The following GAB2 variants were observed in gnomAD, a reference collection of about 807,000 sequenced individuals.
GAB2 encodes the protein GRB2 associated binding protein 2.
GAB2 carries 26 observed loss-of-function variants against 65.5 expected under a neutral mutation model. The observed-to-expected ratio is 0.40, with a 90% CI of 0.29 to 0.55. The LOEUF (loss-of-function observed/expected upper bound fraction) is 0.55, where lower values mean the gene tolerates loss of function less well. Ranked by LOEUF, GAB2 falls within the 20% of genes least tolerant of loss-of-function variation. The pLI is 0.53. For synonymous variants in GAB2, 321 were observed against 329.6 expected, an observed-to-expected ratio of 0.97 and a Z score of 0.28; for missense variants, 884 against 875.8, an observed-to-expected ratio of 1.01 and a Z score of -0.12.
chr11:78,248,507 A>G (rs1865357643), intron 3 of GAB2, among the ~76,000 whole-genome samples: 1 of 152,256 alleles, frequency 6.6e-6, no homozygotes, highest in African/African-American at 2.4e-5. Flanking sequence ...AAAGTCTGCA[A>G]GGCACTACAG....
At chr11:78,329,933 C>T (rs1855886963) in intron 1 of GAB2, among the ~76,000 whole-genome samples, 1 of 152,226 alleles carries the variant, frequency 6.6e-6, no homozygotes, top group South Asian at 2.1e-4. Flanking sequence ...CAATTACTTG[C>T]ATTCATATAA....
At position 78,399,814 on chromosome 11, in the gene GAB2, CAT is replaced by C. The variant is rs1168703425; in HGVS notation, c.75+17830_75+17831del. Among the ~76,000 whole-genome samples, 11 of 152,258 alleles carry C rather than the reference CAT, an allele frequency of 7.2e-5. No individual in the cohort carries two copies. In the East Asian group the frequency reaches 1.9e-3, roughly 27 times the overall value. Reference sequence around the variant, plus strand: ...AGACACTGTGCTAAGATTTTTTTCACATGTTATTCTGATAAATGTGCAAACCC... The same window carrying C: ...AGACACTGTGCTAAGATTTTTTTCACGTTATTCTGATAAATGTGCAAACCC... On this transcript the variant is annotated intron_variant, in intron 1 of 9. Transcript: ENST00000361507.
At chr11:78,289,908 A>G (rs1388686631) in intron 1 of GAB2, among the ~76,000 whole-genome samples, 4 of 149,618 alleles carry the variant, frequency 2.7e-5, no homozygotes, top group African/African-American at 9.9e-5. Context: ...AGGTTCAGAG[A>G]ATATGGCACA....
In GAB2 at chr11:78,350,085, G is replaced by GA. The variant is rs1481087421; in HGVS notation, c.75+67560dup. Among the ~76,000 whole-genome samples, 120 of 151,928 alleles carry GA rather than the reference G, an allele frequency of 7.9e-4. 1 individual carries two copies. Among genetic ancestry groups the GA allele is most frequent in the African/African-American group, 2.7e-3 (112 of 41,422 alleles). ...TGTCTATATTTTCATTCATCACATT[G>GA]AAAAAAAAGTTAGGCAAATGGGTCA... is the stretch of plus-strand genomic sequence containing the variant. On this transcript the variant is annotated intron_variant, in intron 1 of 9. Coordinates refer to ENST00000361507, the MANE Select transcript of GAB2 (RefSeq NM_080491.3).
intron 1 of GAB2, among the ~76,000 whole-genome samples, chr11:78,293,758 G>A (rs931336768): frequency 4.6e-5 from 7 of 152,172 alleles, no homozygotes; most frequent in African/African-American, 1.7e-4. Flanking sequence ...ACAAAGGGTT[G>A]TCACAATATT....
intron 2 of GAB2, among the ~76,000 whole-genome samples, chr11:78,269,965 GA>G (rs1865969533): frequency 6.6e-6 from 1 of 152,192 alleles, no homozygotes; most frequent in African/African-American, 2.4e-5. Context: ...GGGCTCTGGT[GA>G]GCTAAATTGC....
rs180887520 is a variant in GAB2 at position 78,378,517 on chromosome 11, A to T, written c.75+39129T>A. On this transcript the variant is annotated intron_variant, in intron 1 of 9. Coordinates refer to ENST00000361507, the MANE Select transcript of GAB2 (RefSeq NM_080491.3). ...CAAGGTGCTTTACAGTCAAGATCCC[A>T]TTCAATTCTCATAGCAACCCTGATG... 9.3e-4 allele frequency among the ~76,000 whole-genome samples: 138 copies of T among 149,060 alleles called. 2 individuals carry two copies. The East Asian group carries it at 0.015, about 16-fold the overall frequency.
chr11:78,307,495 C>G (rs1417997987), intron 1 of GAB2, among the ~76,000 whole-genome samples: 3 of 151,908 alleles, frequency 2.0e-5, no homozygotes, highest in Non-Finnish European at 4.4e-5. Context: ...TGATGGCTCA[C>G]ACCTGTAATC....
chr11:78,332,093 G>A (rs1408867567), intron 1 of GAB2, among the ~76,000 whole-genome samples: 2 of 152,132 alleles, frequency 1.3e-5, no homozygotes, highest in East Asian at 3.8e-4. Flanking sequence ...CTGTGGCGGG[G>A]AACAGAACAA....
intron 1 of GAB2, among the ~76,000 whole-genome samples, chr11:78,334,968 T>A (rs1855974571): frequency 6.6e-6 from 1 of 152,250 alleles, no homozygotes; most frequent in Non-Finnish European, 1.5e-5. Flanking sequence ...CCCATTGTAG[T>A]TTTGATTATG....
At chr11:78,268,735 T>TA (rs530276951) in intron 2 of GAB2, among the ~76,000 whole-genome samples, 4,366 of 127,708 alleles carry the variant, frequency 0.034, 112 homozygotes, top group African/African-American at 0.075. Context: ...GTCTGGTATT[T>TA]AAAAAAAAAA....
chr11:78,289,814 CTTTTTT>C (rs56926225), intron 1 of GAB2, among the ~76,000 whole-genome samples: 94 of 83,662 alleles, frequency 1.1e-3, no homozygotes, highest in South Asian at 5.4e-3. Flanking sequence ...AGAACAGGAC[CTTTTTT>C]TTTTTTTTTT....
intron 1 of GAB2, among the ~76,000 whole-genome samples, chr11:78,370,725 A>ATGTGTGTGTGTGTGTGTGTGTGTGTGTG (rs113823389): frequency 3.0e-4 from 44 of 148,782 alleles, no homozygotes; most frequent in Non-Finnish European, 7.5e-5. Context: ...GTGTGTGTGT[A>ATGTGTGTGTGTGTGTGTGTGTGTGTGTG]TGTGTGTGTG....
chr11:78,295,461 C>G (rs570363587), intron 1 of GAB2, among the ~76,000 whole-genome samples: 2 of 152,296 alleles, frequency 1.3e-5, no homozygotes, highest in East Asian at 3.9e-4. Flanking sequence ...TTAGCACTTA[C>G]TCACACCTAC....
At chr11:78,325,204 G>C (rs1855801283) in intron 1 of GAB2, among the ~76,000 whole-genome samples, 1 of 152,180 alleles carries the variant, frequency 6.6e-6, no homozygotes, top group African/African-American at 2.4e-5. Context: ...GTGTTGAGAA[G>C]GATTCTGAGA....
intron 2 of GAB2, among the ~76,000 whole-genome samples, chr11:78,278,444 G>A (rs1322504487): frequency 6.6e-6 from 1 of 151,716 alleles, no homozygotes; most frequent in Non-Finnish European, 1.5e-5. Flanking sequence ...GTGCAGTGGT[G>A]CGATCTTGTC....
intron 3 of GAB2, among the ~76,000 whole-genome samples, chr11:78,228,416 G>A (rs1019343410): frequency 2.6e-5 from 4 of 152,148 alleles, no homozygotes; most frequent in Non-Finnish European, 4.4e-5. Context: ...AAAAGCTCTT[G>A]GAGTGTCTCA....
At chr11:78,347,348 A>G (rs1261913039) in intron 1 of GAB2, among the ~76,000 whole-genome samples, 4 of 152,138 alleles carry the variant, frequency 2.6e-5, no homozygotes, top group South Asian at 2.1e-4. Context: ...CTCATAGGGT[A>G]CAGCTGGGCG....
At chr11:78,350,020 C>T (rs1856251944) in intron 1 of GAB2, among the ~76,000 whole-genome samples, 1 of 152,080 alleles carries the variant, frequency 6.6e-6, no homozygotes, top group Admixed American at 6.5e-5. Flanking sequence ...CGTCCTCATT[C>T]TTATTCTCTT....
Sources: gnomAD v4.1 joint callset for allele counts (sites outside exome capture counted in the v4.1 genomes callset) on GRCh38, gnomAD v4.1.1 for gene constraint, MANE v1.5 for transcripts, NCBI Gene and HGNC (gene_info 2026-07-23, HGNC 2026-07-21) for gene names.